Variants in PDLIM5 observed in about 807,000 individuals in gnomAD.
PDLIM5 encodes PDZ and LIM domain 5.
A neutral mutation model predicts 64.2 loss-of-function variants in PDLIM5; 34 were observed. The ratio of observed to expected loss-of-function variants is 0.53; its 90% CI spans 0.40 to 0.71. The LOEUF (loss-of-function observed/expected upper bound fraction) is 0.71. Among genes scored for constraint, PDLIM5 ranks in the 30% least tolerant of loss-of-function variants. PDLIM5 has a pLI of 0.00. For synonymous variants in PDLIM5, 253 were observed against 269.1 expected, an observed-to-expected ratio of 0.94 and a Z score of 0.59; for missense variants, 683 against 733.6, an observed-to-expected ratio of 0.93 and a Z score of 0.80.
At chr4:94,474,410 C>G (rs1197188689) in intron 2 of PDLIM5, among the ~76,000 whole-genome samples, 1 of 151,682 alleles carries the variant, frequency 6.6e-6, no homozygotes, top group Non-Finnish European at 1.5e-5. Context: ...GCCACCACGC[C>G]TGACTAATTT....
At chr4:94,585,846 T>A in intron 6 of PDLIM5, 109 bp downstream of exon 6, 2 of 800,998 alleles carry the variant, frequency 2.5e-6, no homozygotes, top group Non-Finnish European at 4.1e-6. Flanking sequence ...AGTTTGCTTT[T>A]AAATTATGCT....
chr4:94,473,209 G>A lies in PDLIM5; in HGVS notation c.96+17825G>A, dbSNP rs1421042337. ...CATGTTCAAGGAACAGCAAGGCTCC[G>A]ATGGCTGGAGTAGGCAGAATGAGAG... On this transcript the variant is annotated intron_variant, in intron 2 of 12. Coordinates refer to ENST00000317968, the MANE Select transcript of PDLIM5 (RefSeq NM_006457.5). Among the ~76,000 whole-genome samples the A allele has an allele frequency of 2.6e-5, 4 of 152,304 alleles. No homozygotes were observed. In the Middle Eastern group the frequency reaches 0.01, roughly 389 times the overall value.
At chr4:94,611,229 T>C in intron 7 of PDLIM5, 11 of 1,523,144 alleles carry the variant, frequency 7.2e-6, no homozygotes, top group Non-Finnish European at 9.7e-6. Context: ...TGGCAAGTGG[T>C]GGTTCGCTGT....
At chr4:94,456,578 G>GT (rs536093614) in intron 2 of PDLIM5, 47 of 729,344 alleles carry the variant, frequency 6.4e-5, no homozygotes, top group Non-Finnish European at 1.0e-4. Context: ...AGGTATGTGT[G>GT]TTTTTTTAAA....
rs540083976 is a variant in PDLIM5 at position 94,493,807 on chromosome 4, T to G, written c.97-29917T>G. On this transcript the variant is annotated intron_variant, in intron 2 of 12. Coordinates refer to ENST00000317968, the MANE Select transcript of PDLIM5 (RefSeq NM_006457.5). ...AGCATTTAAGAGTCAGAAAAATGTT[T>G]AGAAGTGTACATTTTTCATAGACTA... is the stretch of plus-strand genomic sequence containing the variant. Among the ~76,000 whole-genome samples the G allele has an allele frequency of 1.2e-4, 19 of 152,318 alleles. No individual in the cohort carries two copies. In the East Asian group the frequency reaches 3.3e-3, roughly 26 times the overall value.
chr4:94,582,616 CT>C, intron 5 of PDLIM5: 1 of 688,882 alleles, frequency 1.5e-6, no homozygotes, highest in South Asian at 1.8e-5. Context: ...TTTTCTTTTT[CT>C]TCTTTTCTCC....
intron 8 of PDLIM5, among the ~76,000 whole-genome samples, chr4:94,633,476 A>G (rs1430031420): frequency 6.6e-6 from 1 of 152,178 alleles, no homozygotes; most frequent in Non-Finnish European, 1.5e-5. Context: ...CAACTCTAGG[A>G]GTCTTTAACA....
chr4:94,491,029 A>G (rs185020527), intron 2 of PDLIM5, among the ~76,000 whole-genome samples: 2 of 152,304 alleles, frequency 1.3e-5, no homozygotes, highest in African/African-American at 4.8e-5. Context: ...ATAAAGCAAC[A>G]TATCTATTCC....
At position 94,455,367 on chromosome 4, in the gene PDLIM5, C is replaced by G; in HGVS notation, c.79C>G (p.Pro27Ala). The change falls in exon 2 of 13, where the codon CCT becomes GCT. Residue 27 changes from proline to alanine, a missense_variant. Physicochemically the swap from Pro to Ala is conservative, Grantham distance 27. Coordinates refer to ENST00000317968, the MANE Select transcript of PDLIM5 (RefSeq NM_006457.5). ...GCAGGGCGGTAAGGATTTCAACATG[C>G]CTCTGACAATCTCTAGTGTAAGTAA... ...RLQGGKDFNM[P>A]LTISSLKDGG... 6.2e-7 allele frequency: 1 copy of G among 1,608,818 alleles called. No homozygotes were observed. The highest frequency in any genetic ancestry group is 8.5e-7 in the Non-Finnish European group (1 of 1,175,196).
At chr4:94,592,322 A>G (rs1736730581) in intron 7 of PDLIM5, among the ~76,000 whole-genome samples, 1 of 152,238 alleles carries the variant, frequency 6.6e-6, no homozygotes, top group Non-Finnish European at 1.5e-5. Flanking sequence ...TCTTCCATAT[A>G]TAGCATTTGG....
chr4:94,496,767 A>AGC (rs1158503394), intron 2 of PDLIM5, among the ~76,000 whole-genome samples: 1 of 152,190 alleles, frequency 6.6e-6, no homozygotes, highest in Non-Finnish European at 1.5e-5. Context: ...TGTTGGGATT[A>AGC]CAGGTGTGAG....
intron 3 of PDLIM5, among the ~76,000 whole-genome samples, chr4:94,547,309 G>T (rs538408676): frequency 3.3e-5 from 5 of 152,166 alleles, no homozygotes; most frequent in African/African-American, 1.2e-4. Flanking sequence ...GAAGATTCTT[G>T]GGGAGAATCA....
chr4:94,616,038 T>G (rs1738759107), intron 7 of PDLIM5, among the ~76,000 whole-genome samples: 1 of 152,196 alleles, frequency 6.6e-6, no homozygotes, highest in African/African-American at 2.4e-5. Context: ...GAATTAAATT[T>G]TGATTCTTTC....
intron 2 of PDLIM5, chr4:94,456,656 G>A: frequency 2.0e-6 from 2 of 999,724 alleles, no homozygotes; most frequent in Admixed American, 5.6e-5. Flanking sequence ...GAGTATTTGT[G>A]GCATTTCCAT....
chr4:94,604,901 A>AT (rs1267189598), intron 7 of PDLIM5, among the ~76,000 whole-genome samples: 5 of 152,192 alleles, frequency 3.3e-5, no homozygotes, highest in African/African-American at 1.2e-4. Context: ...TGTCCATTGA[A>AT]TTTAGCCACA....
At chr4:94,518,908 G>A (rs1729591971) in intron 2 of PDLIM5, among the ~76,000 whole-genome samples, 3 of 151,854 alleles carry the variant, frequency 2.0e-5, no homozygotes, top group South Asian at 4.2e-4. Flanking sequence ...TTTTATTCCT[G>A]TCCTTCTCTG....
chr4:94,631,639 C>G (rs746192819), intron 8 of PDLIM5, among the ~76,000 whole-genome samples: 3 of 152,200 alleles, frequency 2.0e-5, no homozygotes, highest in Non-Finnish European at 4.4e-5. Flanking sequence ...AAGACATTAA[C>G]TGGCAAAGAA....
At chr4:94,645,607 C>A (rs905530038) in intron 9 of PDLIM5, among the ~76,000 whole-genome samples, 2 of 152,072 alleles carry the variant, frequency 1.3e-5, no homozygotes, top group Admixed American at 1.3e-4. Context: ...TGTTTTATCC[C>A]ACTGTTTTTA....
intron 9 of PDLIM5, among the ~76,000 whole-genome samples, chr4:94,644,544 G>C (rs1200966783): frequency 9.9e-6 from 1 of 101,514 alleles, no homozygotes; most frequent in Non-Finnish European, 2.0e-5. Context: ...TTTTTTTTTT[G>C]AGATGGAATC....
Sources: allele counts gnomAD v4.1 joint callset (sites outside exome capture counted in the v4.1 genomes callset), GRCh38; gene constraint gnomAD v4.1.1; transcripts MANE v1.5; gene names NCBI Gene and HGNC (gene_info 2026-07-23, HGNC 2026-07-21).